The following LYG1 variants were observed in gnomAD, a reference collection of about 807,000 sequenced individuals.
The protein encoded by LYG1 is lysozyme g-like protein 1.
Under a neutral mutation model 21.7 loss-of-function variants are expected in LYG1, and 17 were observed. That is an observed-to-expected ratio of 0.78 (90% CI 0.54 to 1.18). LYG1 has a LOEUF of 1.18. LYG1 is among the 50% of genes most tolerant of loss of function. LYG1 has a pLI of 0.00. For synonymous variants in LYG1, 81 were observed against 87.4 expected (o/e 0.93, Z 0.41); for missense variants, 211 against 238.1 (o/e 0.89, Z 0.75).
upstream of LYG1, among the ~76,000 whole-genome samples, chr2:99,302,049 C>G (rs889042652): frequency 6.6e-6 from 1 of 152,188 alleles, no homozygotes; most frequent in Non-Finnish European, 1.5e-5. Context: ...GCTTGATTTT[C>G]CCCAAACACA....
At chr2:99,292,985 C>CTTTTTTTTTTTTT (rs70940159) in intron 3 of LYG1, among the ~76,000 whole-genome samples, 1 of 83,164 alleles carries the variant, frequency 1.2e-5, no homozygotes, top group Non-Finnish European at 2.1e-5. Flanking sequence ...CCTCATCTTA[C>CTTTTTTTTTTTTT]TTTTTTTTTT....
At chr2:99,296,553 T>C (rs564056410) in intron 2 of LYG1, among the ~76,000 whole-genome samples, 33 of 152,142 alleles carry the variant, frequency 2.2e-4, no homozygotes, top group Non-Finnish European at 4.4e-4. Flanking sequence ...AATACACAAA[T>C]ACCACCAAGG....
chr2:99,302,757 G>A (rs143293465), upstream of LYG1, among the ~76,000 whole-genome samples: 4 of 152,246 alleles, frequency 2.6e-5, no homozygotes, highest in Non-Finnish European at 2.9e-5. Context: ...AGAGCCTCAC[G>A]TCTGTAATCC....
At chr2:99,291,195 A>G in intron 5 of LYG1, 42 bp downstream of exon 5, 1 of 1,590,854 alleles carries the variant, frequency 6.3e-7, no homozygotes, top group Non-Finnish European at 8.6e-7. Context: ...CAGTGGTGCC[A>G]CATAGCAGAA....
intron 3 of LYG1, among the ~76,000 whole-genome samples, chr2:99,293,845 A>C (rs1218633892): frequency 6.6e-6 from 1 of 152,150 alleles, no homozygotes; most frequent in Non-Finnish European, 1.5e-5. Flanking sequence ...GTAGGCAGGA[A>C]ATTGCTCCTT....
At position 99,291,223 on chromosome 2, in the gene LYG1, G is replaced by A. The variant is rs752216653; in HGVS notation, c.333+14C>T. 1.2e-5 allele frequency: 19 copies of A among 1,610,828 alleles called. No individual in the cohort carries two copies. Among genetic ancestry groups the A allele is most frequent in the Non-Finnish European group, 1.5e-5 (18 of 1,178,010 alleles). On this transcript the variant is annotated intron_variant, in intron 5 of 6. Coordinates refer to ENST00000308528, the MANE Select transcript of LYG1 (RefSeq NM_174898.3). ...TAGCAGAATGGCCACATGTGTCAAC[G>A]GATGAAGAGTTACCTGCACCATGCT...
At chr2:99,298,243 C>T (rs557472139) in intron 2 of LYG1, among the ~76,000 whole-genome samples, 25 of 152,266 alleles carry the variant, frequency 1.6e-4, no homozygotes, top group African/African-American at 6.0e-4. Flanking sequence ...GATGTCAGAC[C>T]AAGGCAGCAC....
chr2:99,284,468 G>A lies in LYG1; in HGVS notation c.510C>T (p.Ser170=), dbSNP rs763298730. 2 of 1,614,216 alleles carry A rather than the reference G, an allele frequency of 1.2e-6. No individual in the cohort carries two copies. The highest frequency in any genetic ancestry group is 1.7e-6 in the Non-Finnish European group (2 of 1,180,034). Residue 170 remains serine (S), a synonymous_variant, in exon 7 of 7, where the codon AGC becomes AGT. Transcript: ENST00000308528. ...AGAAGTCACAGCTCAGGTCCTGGCT[G>A]CTTCGGACATAGCCAGCACCCCCAC... ...AYSGGAGYVR[S]SQDLSCDFCN...
intron 3 of LYG1, 76 bp downstream of exon 3, chr2:99,295,552 T>C: frequency 4.6e-6 from 7 of 1,511,874 alleles, no homozygotes; most frequent in Non-Finnish European, 6.4e-6. Flanking sequence ...CATTTTCAAG[T>C]ATTAGAAGTG....
At chr2:99,291,456 T>C (rs372409411) in intron 4 of LYG1, 35 bp from the exon 5 acceptor site, 3 of 1,605,186 alleles carry the variant, frequency 1.9e-6, no homozygotes, top group Non-Finnish European at 1.7e-6. Flanking sequence ...TGCAGCTTGT[T>C]GTGACTTATG....
intron 2 of LYG1, among the ~76,000 whole-genome samples, chr2:99,296,753 C>T (rs1224727544): frequency 6.6e-6 from 1 of 152,196 alleles, no homozygotes; most frequent in Non-Finnish European, 1.5e-5. Context: ...GCACTTGGTA[C>T]TTTCATAATG....
chr2:99,297,220 A>T (rs1332415123), intron 2 of LYG1, among the ~76,000 whole-genome samples: 2 of 152,128 alleles, frequency 1.3e-5, no homozygotes, highest in African/African-American at 4.8e-5. Context: ...GGTCTGCAGG[A>T]ACGCTCAGAT....
At chr2:99,298,143 A>G (rs1003414618) in intron 2 of LYG1, among the ~76,000 whole-genome samples, 1 of 152,236 alleles carries the variant, frequency 6.6e-6, no homozygotes, top group Non-Finnish European at 1.5e-5. Flanking sequence ...TTGTTGAGAC[A>G]TCACTCGGGT....
chr2:99,288,449 T>A (rs534002348), intron 5 of LYG1, among the ~76,000 whole-genome samples: 2 of 152,322 alleles, frequency 1.3e-5, no homozygotes, highest in East Asian at 3.9e-4. Context: ...ACCAGTAGGT[T>A]TCCTATATTT....
chr2:99,300,361 T>A (rs1410057434), intron 1 of LYG1, among the ~76,000 whole-genome samples: 1 of 152,116 alleles, frequency 6.6e-6, no homozygotes, highest in African/African-American at 2.4e-5. Context: ...TGCCTGCTTT[T>A]CCCATTTGCG....
intron 1 of LYG1, among the ~76,000 whole-genome samples, chr2:99,299,276 CTTTTTTTCTTT>C (rs2094146874): frequency 7.0e-6 from 1 of 142,702 alleles, no homozygotes; most frequent in Admixed American, 7.0e-5. Flanking sequence ...TTTTCTTTTT[CTTTTTTTCTTT>C]TTTTTTTTTT....
rs1482646105 is a variant in LYG1, at chr2:99,284,940, A to ACCAATG, written c.334-126_334-121dup. Reference sequence around the variant, plus strand: ...TTGTTCTCCTTTCACCTTTGATGGAACCAATGCCACCGTCAGTCTCCTGTG... The same window carrying ACCAATG: ...TTGTTCTCCTTTCACCTTTGATGGAACCAATGCCAATGCCACCGTCAGTCTCCTGTG... On this transcript the variant is annotated intron_variant, in intron 5 of 6. Transcript: ENST00000308528. 226 of 1,303,494 alleles carry ACCAATG rather than the reference A, an allele frequency of 1.7e-4. 3 individuals are homozygous for ACCAATG. In the South Asian group the frequency reaches 3.2e-3, roughly 18 times the overall value. The allele number at this position is 1,303,494 out of a possible 1,614,324, so 80.7% of individuals were successfully genotyped here. A position where few individuals can be genotyped will look rare whatever the true frequency, so the allele number is the denominator to read the frequency against.
upstream of LYG1, among the ~76,000 whole-genome samples, chr2:99,304,124 T>C (rs906849555): frequency 2.6e-5 from 4 of 151,904 alleles, no homozygotes; most frequent in African/African-American, 7.3e-5. Flanking sequence ...GGGTCAGAAG[T>C]GGAATGATAT....
intron 3 of LYG1, among the ~76,000 whole-genome samples, chr2:99,293,893 T>C: frequency 6.6e-6 from 1 of 152,098 alleles, no homozygotes; most frequent in East Asian, 1.9e-4. Flanking sequence ...TGTAAGAATG[T>C]CTCATTAGAT....
Sources: gnomAD v4.1 joint callset for allele counts (sites outside exome capture counted in the v4.1 genomes callset) on GRCh38, gnomAD v4.1.1 for gene constraint, MANE v1.5 for transcripts, NCBI Gene and HGNC (gene_info 2026-07-23, HGNC 2026-07-21) for gene names.